SCMH1: variants seen among roughly 807,000 people sequenced by gnomAD.
The protein encoded by SCMH1 is Scm polycomb group protein homolog 1.
Under a neutral mutation model 70.8 loss-of-function variants are expected in SCMH1, and 37 were observed. That is an observed-to-expected ratio of 0.52 (90% CI 0.40 to 0.69). The LOEUF (loss-of-function observed/expected upper bound fraction) is 0.69, where lower values mean the gene tolerates loss of function less well. Ranked by LOEUF, SCMH1 falls within the 30% of genes least tolerant of loss-of-function variation. SCMH1 has a pLI of 0.00. For missense variants in SCMH1, 607 were observed against 827.3 expected, an observed-to-expected ratio of 0.73 and a Z score of 3.27; for synonymous variants, 292 against 307.4, an observed-to-expected ratio of 0.95 and a Z score of 0.52.
intron 1 of SCMH1, among the ~76,000 whole-genome samples, chr1:41,192,937 CA>C (rs1390800253): frequency 1.3e-5 from 2 of 152,192 alleles, no homozygotes; most frequent in Non-Finnish European, 2.9e-5. Flanking sequence ...TTCAGTTTTA[CA>C]GGACATATGG....
intron 5 of SCMH1, among the ~76,000 whole-genome samples, chr1:41,143,381 T>C (rs747026317): frequency 3.3e-5 from 5 of 152,156 alleles, no homozygotes; most frequent in Non-Finnish European, 7.3e-5. Flanking sequence ...TTTCTCATTC[T>C]ATAATTCTCT....
At chr1:41,102,706 G>C (rs767453899) in intron 8 of SCMH1, among the ~76,000 whole-genome samples, 8 of 152,216 alleles carry the variant, frequency 5.3e-5, no homozygotes, top group Non-Finnish European at 1.2e-4. Context: ...ACTGACCTTA[G>C]TTTTCTAGGG....
intron 2 of SCMH1, among the ~76,000 whole-genome samples, chr1:41,168,620 G>A (rs1274842909): frequency 7.3e-6 from 1 of 137,544 alleles, no homozygotes; most frequent in Non-Finnish European, 1.6e-5. Flanking sequence ...TATTTCACTT[G>A]TGGAGATTTG....
At chr1:41,125,857 G>A (rs568453550) in intron 6 of SCMH1, among the ~76,000 whole-genome samples, 2 of 152,226 alleles carry the variant, frequency 1.3e-5, no homozygotes, top group East Asian at 1.9e-4. Context: ...GATTACAGGT[G>A]TATCAGGTGA....
intron 13 of SCMH1, 39 bp from the exon 14 acceptor site, chr1:41,034,087 G>C (rs756479183): frequency 2.6e-5 from 41 of 1,577,668 alleles, no homozygotes; most frequent in Non-Finnish European, 3.4e-5. Context: ...TCTCCAGTTT[G>C]CACATGAGGA....
chr1:41,196,949 C>T lies in SCMH1; in HGVS notation c.-117-10699G>A, dbSNP rs144800400. 3.3e-5 allele frequency among the ~76,000 whole-genome samples: 5 copies of T among 152,222 alleles called. No individual in the cohort carries two copies. The East Asian group carries it at 9.6e-4, about 29-fold the overall frequency. On this transcript the variant is annotated intron_variant, in intron 1 of 14. Coordinates refer to ENST00000337495, the Ensembl canonical transcript of SCMH1. ...TGGCCAATAACCACATGAAAAGATG[C>T]TCAGCATCAATAATCACTAAAGAAA...
intron 11 of SCMH1, among the ~76,000 whole-genome samples, chr1:41,047,309 T>C (rs12406942): frequency 0.078 from 11,815 of 151,240 alleles, 588 homozygotes; most frequent in South Asian, 0.13. Context: ...CTACAGACCA[T>C]TACACAGAAA....
At chr1:41,044,262 C>A (rs1028247437) in intron 12 of SCMH1, among the ~76,000 whole-genome samples, 4 of 152,068 alleles carry the variant, frequency 2.6e-5, no homozygotes, top group Admixed American at 6.5e-5. Context: ...CTATGTATGT[C>A]TAGCAGAAGC....
chr1:41,115,433 T>C (rs947339590), intron 7 of SCMH1, among the ~76,000 whole-genome samples: 4 of 152,194 alleles, frequency 2.6e-5, no homozygotes, highest in Admixed American at 2.6e-4. Flanking sequence ...ACCTCTTTAA[T>C]GCATTTTATT....
At chr1:41,220,847 A>G (rs1448077815) in intron 1 of SCMH1, among the ~76,000 whole-genome samples, 1 of 152,238 alleles carries the variant, frequency 6.6e-6, no homozygotes, top group Non-Finnish European at 1.5e-5. Flanking sequence ...TCCTTTTCCA[A>G]TGCCATCTTG....
chr1:41,123,606 T>C (rs983972947), intron 6 of SCMH1, among the ~76,000 whole-genome samples: 3 of 152,198 alleles, frequency 2.0e-5, no homozygotes, highest in Admixed American at 6.5e-5. Flanking sequence ...TAGGTGATTT[T>C]AACAGGTAGC....
At chr1:41,062,058 G>T (rs1422619749) in intron 10 of SCMH1, among the ~76,000 whole-genome samples, 3 of 151,966 alleles carry the variant, frequency 2.0e-5, no homozygotes, top group Admixed American at 1.3e-4. Flanking sequence ...TAGAGACAGG[G>T]TTTCACCATG....
chr1:41,152,737 A>G, intron 4 of SCMH1: 1 of 1,605,838 alleles, frequency 6.2e-7, no homozygotes, highest in Non-Finnish European at 8.5e-7. Context: ...AAAAAGCACT[A>G]GATGCTGGGA....
Position 41,070,524 on chromosome 1 carries a change from T to G in SCMH1, c.1105+71A>C, listed in dbSNP as rs749583504. On this transcript the variant is annotated intron_variant, in intron 10 of 14. Transcript: ENST00000337495. ...CAAGTGGAAAGGTGCTAATTACTGGTGTAAGACAAAAGAAAGTGCAAACAC... is the reference window on the plus strand; with the variant it reads ...CAAGTGGAAAGGTGCTAATTACTGGGGTAAGACAAAAGAAAGTGCAAACAC... The G allele has an allele frequency of 2.5e-6, 4 of 1,586,626 alleles. 1 individual carries two copies. The highest frequency in any genetic ancestry group is 3.4e-5 in the Admixed American group (2 of 57,990).
chr1:41,041,448 A>G (rs571046617), intron 12 of SCMH1: 1 of 152,302 alleles, frequency 6.6e-6, no homozygotes, highest in South Asian at 2.1e-4. Flanking sequence ...AATTATAACA[A>G]AGGAAAGAAA....
chr1:41,171,503 T>G (rs1024445310), intron 2 of SCMH1, among the ~76,000 whole-genome samples: 6 of 151,254 alleles, frequency 4.0e-5, no homozygotes, highest in African/African-American at 1.5e-4. Context: ...GGCCTTGTGG[T>G]AAAACCCTGT....
chr1:41,161,554 G>T (rs1307761669), intron 2 of SCMH1, 122 bp from the exon 3 acceptor site: 1 of 1,093,516 alleles, frequency 9.1e-7, no homozygotes, highest in Non-Finnish European at 1.2e-6. Context: ...TCTATGCTAA[G>T]GAAAAATACT....
chr1:41,178,991 C>A (rs1013721938), intron 2 of SCMH1, among the ~76,000 whole-genome samples: 1 of 152,178 alleles, frequency 6.6e-6, no homozygotes, highest in Non-Finnish European at 1.5e-5. Context: ...AGAAGTAAAG[C>A]ACTCCTCAGC....
At chr1:41,225,706 A>G (rs2148873155) in intron 1 of SCMH1, among the ~76,000 whole-genome samples, 1 of 152,354 alleles carries the variant, frequency 6.6e-6, no homozygotes, top group Middle Eastern at 3.4e-3. Flanking sequence ...TGGAAAAGTA[A>G]TAAGTAGTGA....
Sources: allele counts gnomAD v4.1 joint callset (sites outside exome capture counted in the v4.1 genomes callset), GRCh38; gene constraint gnomAD v4.1.1; transcripts MANE v1.5; gene names NCBI Gene and HGNC (gene_info 2026-07-23, HGNC 2026-07-21).